The following SHANK2 variants were observed in gnomAD, a reference collection of about 807,000 sequenced individuals.
The protein encoded by SHANK2 is SH3 and multiple ankyrin repeat domains protein 2.
SHANK2 carries 43 observed loss-of-function variants against 133.7 expected under a neutral mutation model. The ratio of observed to expected loss-of-function variants is 0.32; its 90% CI spans 0.25 to 0.41. The LOEUF (loss-of-function observed/expected upper bound fraction) is 0.41, where lower values mean the gene tolerates loss of function less well. Among genes scored for constraint, SHANK2 ranks in the 10% least tolerant of loss-of-function variants. SHANK2 has a pLI of 1.00. For missense variants in SHANK2, 1,994 were observed against 2,235.8 expected, an observed-to-expected ratio of 0.89 and a Z score of 2.18; for synonymous variants, 1,017 against 952.8, an observed-to-expected ratio of 1.07 and a Z score of -1.24.
chr11:70,662,433 G>T (rs1209658780), intron 15 of SHANK2, among the ~76,000 whole-genome samples: 2 of 152,174 alleles, frequency 1.3e-5, no homozygotes, highest in East Asian at 3.9e-4. Context: ...GAGGGGGAGC[G>T]GCTGGGGCTC....
chr11:71,238,324 C>T (rs1954848246), intron 1 of SHANK2, among the ~76,000 whole-genome samples: 3 of 152,236 alleles, frequency 2.0e-5, no homozygotes, highest in Admixed American at 2.0e-4. Context: ...AACATCACCA[C>T]TAATGACAGT....
At chr11:70,558,417 G>A (rs1014241845) in intron 17 of SHANK2, among the ~76,000 whole-genome samples, 3 of 152,244 alleles carry the variant, frequency 2.0e-5, no homozygotes, top group Non-Finnish European at 4.4e-5. Flanking sequence ...GCCTGTCACC[G>A]CCACAGAGCT....
At chr11:70,944,035 T>C (rs1021005807) in intron 10 of SHANK2, 7 of 451,584 alleles carry the variant, frequency 1.6e-5, no homozygotes, top group Non-Finnish European at 2.7e-5. Flanking sequence ...ATGGTTCCTG[T>C]GTTTATGCTA....
At chr11:70,483,069 A>G (rs1450100488) in intron 25 of SHANK2, among the ~76,000 whole-genome samples, 1 of 152,178 alleles carries the variant, frequency 6.6e-6, no homozygotes, top group African/African-American at 2.4e-5. Context: ...TGACCTGAAC[A>G]GTGGATTCCT....
chr11:70,632,358 C>T (rs1466645152), intron 17 of SHANK2, among the ~76,000 whole-genome samples: 1 of 152,018 alleles, frequency 6.6e-6, no homozygotes, highest in Non-Finnish European at 1.5e-5. Flanking sequence ...ATCTCCTGAC[C>T]TCGTGATCCG....
At chr11:70,890,340 C>A (rs1359302648) in intron 11 of SHANK2, among the ~76,000 whole-genome samples, 1 of 151,924 alleles carries the variant, frequency 6.6e-6, no homozygotes, top group Non-Finnish European at 1.5e-5. Flanking sequence ...CCCGTCTCTA[C>A]TAAGAATAGA....
At chr11:71,073,148 T>TTTC (rs1951168046) in intron 9 of SHANK2, among the ~76,000 whole-genome samples, 2 of 33,874 alleles carry the variant, frequency 5.9e-5, no homozygotes, top group African/African-American at 9.8e-5. Flanking sequence ...TTTTCTTTTC[T>TTTC]TTTTTTTCTT....
chr11:70,672,051 TTTTC>T (rs1555016177), intron 15 of SHANK2, among the ~76,000 whole-genome samples: 3 of 142,738 alleles, frequency 2.1e-5, no homozygotes, highest in Non-Finnish European at 4.5e-5. Flanking sequence ...CCCACCATAC[TTTTC>T]TTTTCTTTTT....
chr11:70,901,831 T>C (rs1354762267), intron 10 of SHANK2, among the ~76,000 whole-genome samples: 1 of 152,026 alleles, frequency 6.6e-6, no homozygotes, highest in African/African-American at 2.4e-5. Flanking sequence ...ACGTGGTGAA[T>C]GTGGCAGCAA....
rs1418882165 is a variant in SHANK2 at position 70,804,860 on chromosome 11, C to T, written c.1663+2142G>A. 6.6e-6 allele frequency among the ~76,000 whole-genome samples: 1 copy of T among 152,170 alleles called. No homozygotes were observed. The highest frequency in any genetic ancestry group is 1.5e-5 in the Non-Finnish European group (1 of 68,034). ...ACTCGGATCCACTGATGGGGCTCAT[C>T]ACCGGCTCCCCCTCTCCCTTGAGCT... On this transcript the variant is annotated intron_variant, in intron 13 of 25. Coordinates refer to ENST00000601538, the MANE Select transcript of SHANK2 (RefSeq NM_012309.5). This position sits in a 1 kb window ranked among gnomAD's most constrained non-coding sequence, Gnocchi z 4.1.
At chr11:70,793,807 C>T (rs1555048531) in intron 14 of SHANK2, among the ~76,000 whole-genome samples, 1 of 152,156 alleles carries the variant, frequency 6.6e-6, no homozygotes. Context: ...TCATACAACC[C>T]AGCAGTTTTC....
At chr11:70,709,150 A>G (rs1238907464) in intron 14 of SHANK2, among the ~76,000 whole-genome samples, 1 of 152,244 alleles carries the variant, frequency 6.6e-6, no homozygotes, top group African/African-American at 2.4e-5. Flanking sequence ...GTTTGAGGCT[A>G]CAGTGAGCTG....
intron 14 of SHANK2, among the ~76,000 whole-genome samples, chr11:70,772,194 C>T (rs1238955116): frequency 2.0e-5 from 3 of 152,106 alleles, no homozygotes; most frequent in African/African-American, 7.2e-5. Flanking sequence ...AATCCTAGCA[C>T]TTTGGGAGGC....
In SHANK2 at chr11:70,820,358, C is replaced by T. The variant is rs1555055498; in HGVS notation, c.1493+6G>A. The T allele has an allele frequency of 1.6e-6, 1 of 621,658 alleles. No individual in the cohort carries two copies. The highest frequency in any genetic ancestry group is 2.5e-5 in the Admixed American group (1 of 39,382). 38.5% of individuals were successfully genotyped at this position (621,658 alleles called of 1,614,324 possible). ...CTTCCTTCCCTTGGCGTCTGCCACT[C>T]CTTACCCGACATGCCAGAGAGGCTG... On this transcript the variant is annotated splice_donor_region_variant and intron_variant, in intron 12 of 25. Transcript: ENST00000601538.
intron 2 of SHANK2, among the ~76,000 whole-genome samples, chr11:71,166,120 G>A (rs1246894816): frequency 6.6e-6 from 1 of 152,218 alleles, no homozygotes; most frequent in Non-Finnish European, 1.5e-5. Flanking sequence ...AGGGATGACA[G>A]GACAGACTGG....
At chr11:71,200,046 G>A (rs1953987053) in intron 2 of SHANK2, among the ~76,000 whole-genome samples, 1 of 152,164 alleles carries the variant, frequency 6.6e-6, no homozygotes, top group African/African-American at 2.4e-5. Flanking sequence ...ATGGTTTTTA[G>A]CCATGTTGTG....
chr11:71,113,842 C>G (rs1951931577), intron 4 of SHANK2, among the ~76,000 whole-genome samples: 1 of 152,228 alleles, frequency 6.6e-6, no homozygotes, highest in African/African-American at 2.4e-5. Flanking sequence ...CTCCTGCAAC[C>G]TCTGCCCAGA....
Position 71,237,480 on chromosome 11 carries a change from T to A in SHANK2, c.-112-12684A>T, listed in dbSNP as rs906012802. On this transcript the variant is annotated intron_variant, in intron 1 of 25. Coordinates refer to ENST00000601538, the MANE Select transcript of SHANK2 (RefSeq NM_012309.5). ...AAATGAACAGGTGTTTTACCCTTTG[T>A]CTGGGGTGGTCTGTTATGCAGCAAA... Among the ~76,000 whole-genome samples, 8 of 152,198 alleles carry A rather than the reference T, an allele frequency of 5.3e-5. No individual in the cohort carries two copies. The East Asian group carries it at 1.5e-3, about 29-fold the overall frequency.
chr11:70,619,265 C>T (rs1397502319), intron 17 of SHANK2, among the ~76,000 whole-genome samples: 3 of 152,224 alleles, frequency 2.0e-5, no homozygotes, highest in Admixed American at 2.0e-4. Flanking sequence ...GAGGGCCAAC[C>T]CAGGGCTCAG....
Sources: gnomAD v4.1 joint callset for allele counts (sites outside exome capture counted in the v4.1 genomes callset) on GRCh38, gnomAD v4.1.1 for gene constraint, Gnocchi (gnomAD v3.1) non-coding constraint, MANE v1.5 for transcripts, NCBI Gene and HGNC (gene_info 2026-07-23, HGNC 2026-07-21) for gene names.